The following MROH9 variants were observed in gnomAD, a reference collection of about 807,000 sequenced individuals.
MROH9 encodes maestro heat-like repeat-containing protein family member 9.
In MROH9, 92 loss-of-function variants were observed where a neutral mutation model predicts 98.2. That is an observed-to-expected ratio of 0.94 (90% CI 0.79 to 1.11). The LOEUF is 1.11. MROH9 is among the 50% of genes most tolerant of loss of function. The pLI, the probability that MROH9 is intolerant of heterozygous loss-of-function variation, is 0.00. For missense variants in MROH9, 1,057 were observed against 1,014.8 expected (o/e 1.04, Z -0.57); for synonymous variants, 397 against 368.9 (o/e 1.08, Z -0.87).
intron 20 of MROH9, among the ~76,000 whole-genome samples, chr1:171,026,881 G>C (rs1652730292): frequency 6.6e-6 from 1 of 152,058 alleles, no homozygotes; most frequent in Non-Finnish European, 1.5e-5. Flanking sequence ...AATCTGGGAT[G>C]GGATAATGGG....
At chr1:170,983,359 T>C in intron 8 of MROH9, 63 bp from the exon 9 acceptor site, 1 of 1,156,172 alleles carries the variant, frequency 8.6e-7, no homozygotes, top group Non-Finnish European at 1.3e-6. Flanking sequence ...TTGGAAATAG[T>C]AATGTCATAG....
intron 10 of MROH9, among the ~76,000 whole-genome samples, chr1:170,988,325 T>A (rs1195253923): frequency 1.3e-5 from 2 of 152,022 alleles, no homozygotes; most frequent in Admixed American, 1.3e-4. Context: ...GGGGAGGAGA[T>A]GCTTTATATA....
rs11385110 is a variant in MROH9, at chr1:171,063,252, A to ATTT, written c.2345-830_2345-828dup. Among the ~76,000 whole-genome samples the ATTT allele has an allele frequency of 6.9e-3, 866 of 124,926 alleles. 32 individuals are homozygous for ATTT. Among genetic ancestry groups the ATTT allele is most frequent in the East Asian group, 0.026 (113 of 4,298 alleles). The allele number at this position is 124,926 out of a possible 152,430, so 82.0% of individuals were successfully genotyped here. On this transcript the variant is annotated intron_variant, in intron 21 of 21. Transcript: ENST00000367759. Reference sequence around the variant, plus strand: ...CATTTTGGTATATGTATTATCCCGGATTTTTTTTTTTTTTTTTTTGAGACG... The same window carrying ATTT: ...CATTTTGGTATATGTATTATCCCGGATTTTTTTTTTTTTTTTTTTTTTGAGACG...
intron 2 of MROH9, 128 bp downstream of exon 2, chr1:170,945,709 T>C: frequency 1.3e-6 from 1 of 748,204 alleles, no homozygotes; most frequent in East Asian, 3.0e-5. Context: ...ATGTACCTTT[T>C]TTCCCTAATG....
At chr1:170,965,726 G>C (rs1175265956) in intron 7 of MROH9, among the ~76,000 whole-genome samples, 1 of 152,006 alleles carries the variant, frequency 6.6e-6, no homozygotes. Flanking sequence ...CCTGTCCTTA[G>C]CCATGTCAGC....
intron 9 of MROH9, among the ~76,000 whole-genome samples, chr1:170,984,215 C>G (rs892499781): frequency 1.3e-5 from 2 of 152,124 alleles, no homozygotes; most frequent in Admixed American, 6.6e-5. Flanking sequence ...TGAGGAAACC[C>G]GTTAGGCTAG....
rs1208802300 is a variant in MROH9 at position 171,016,612 on chromosome 1, A to AC, written c.1908+277dup. 2.0e-5 allele frequency among the ~76,000 whole-genome samples: 3 copies of AC among 152,070 alleles called. No individual in the cohort carries two copies. The East Asian group carries it at 5.8e-4, about 29-fold the overall frequency. On this transcript the variant is annotated intron_variant, in intron 17 of 21. Transcript: ENST00000367759. The stretch of plus-strand genomic sequence containing the variant: ...ATATACTGATTAACCCTATATCTGG[A>AC]CTGCCTGGGTTCAAATCCCTCTTCC...
At position 171,045,302 on chromosome 1, in the gene MROH9, C is replaced by T. The variant is rs185436467; in HGVS notation, c.2282-16830C>T. Reference sequence around the variant, plus strand: ...GGCATGCGCCACCGTGCTCGGCCTGCCCTGATCTTTATTATTTCTTTTCTT... The same window carrying T: ...GGCATGCGCCACCGTGCTCGGCCTGTCCTGATCTTTATTATTTCTTTTCTT... On this transcript the variant is annotated intron_variant, in intron 20 of 21. Coordinates refer to ENST00000367759, the MANE Select transcript of MROH9 (RefSeq NM_001163629.2). 1.8e-3 allele frequency among the ~76,000 whole-genome samples: 272 copies of T among 151,952 alleles called. 4 individuals are homozygous for T. The highest frequency in any genetic ancestry group is 0.014 in the Middle Eastern group (4 of 294).
intron 20 of MROH9, among the ~76,000 whole-genome samples, chr1:171,058,346 CAAA>C (rs34725160): frequency 4.5e-5 from 3 of 67,114 alleles, no homozygotes; most frequent in Admixed American, 1.7e-4. Flanking sequence ...AGAGAGGATG[CAAA>C]AAAAAAAAAA....
chr1:171,020,137 A>T (rs190054922), intron 17 of MROH9, among the ~76,000 whole-genome samples: 72 of 152,000 alleles, frequency 4.7e-4, no homozygotes, highest in African/African-American at 1.7e-3. Flanking sequence ...GCCTACTGAT[A>T]AAAAAAAGCT....
At chr1:170,944,006 G>A (rs930842459) in intron 1 of MROH9, among the ~76,000 whole-genome samples, 3 of 151,752 alleles carry the variant, frequency 2.0e-5, no homozygotes, top group South Asian at 2.1e-4. Context: ...AAATAATATC[G>A]CTAATAACAA....
chr1:170,995,514 A>G lies in MROH9; in HGVS notation c.1320A>G (p.Ile440Met), dbSNP rs748767345. ...QVFYNSELKP[I>M]LKDRALYAQD... is the part of the protein sequence containing the mutation. ...TCTACAACAGTGAGCTGAAACCGAT[A>G]CTCAAGGACAGGGCTTTGTGAGTTA... is the stretch of plus-strand genomic sequence containing the variant. Residue 440 changes from isoleucine to methionine, a missense_variant, in exon 13 of 22, where the codon ATA becomes ATG. Physicochemically the swap from Ile to Met is conservative, Grantham distance 10 (BLOSUM62 1). Transcript: ENST00000367759. The G allele has an allele frequency of 6.2e-7, 1 of 1,613,072 alleles. No homozygotes were observed. Among genetic ancestry groups the G allele is most frequent in the South Asian group, 1.1e-5 (1 of 91,036 alleles).
At position 170,945,601 on chromosome 1, in the gene MROH9, T is replaced by C. The variant is rs770775310; in HGVS notation, c.25+20T>C. 14 of 1,608,114 alleles carry C rather than the reference T, an allele frequency of 8.7e-6. No homozygotes were observed. Among genetic ancestry groups the C allele is most frequent in the Middle Eastern group, 1.7e-4 (1 of 6,048 alleles). On this transcript the variant is annotated intron_variant, in intron 2 of 21. Transcript: ENST00000367759. ...AAACAAGTAAGGCTTTAGGACACAA[T>C]AGAGATGGGAGAAGGTATTTTTGTG... is the stretch of plus-strand genomic sequence containing the variant.
At chr1:170,998,444 G>C (rs73038212) in intron 15 of MROH9, 170 bp downstream of exon 15, 2 of 1,567,100 alleles carry the variant, frequency 1.3e-6, no homozygotes, top group Non-Finnish European at 1.7e-6. Flanking sequence ...AGTTAGATCT[G>C]GGTTATGGAA....
intron 8 of MROH9, among the ~76,000 whole-genome samples, chr1:170,972,470 A>G (rs1313084770): frequency 6.6e-6 from 1 of 152,156 alleles, no homozygotes; most frequent in African/African-American, 2.4e-5. Context: ...ATAACAGAGA[A>G]CACATTTACT....
chr1:171,014,082 CT>C, intron 15 of MROH9, 34 bp from the exon 16 acceptor site: 1 of 1,531,478 alleles, frequency 6.5e-7, no homozygotes, highest in Non-Finnish European at 8.8e-7. Flanking sequence ...GTGGCCTCTA[CT>C]TTGCTTATAA....
chr1:171,064,004 G>T, intron 21 of MROH9, 95 bp from the exon 22 acceptor site: 11 of 1,219,042 alleles, frequency 9.0e-6, no homozygotes, highest in Non-Finnish European at 1.2e-5. Flanking sequence ...AGAGAAGGGG[G>T]CACTCTGTGA....
At chr1:171,041,177 C>T (rs1653284810) in intron 20 of MROH9, among the ~76,000 whole-genome samples, 1 of 151,724 alleles carries the variant, frequency 6.6e-6, no homozygotes, top group African/African-American at 2.4e-5. Flanking sequence ...TTATTCCACT[C>T]TGTATGTCCA....
intron 11 of MROH9, among the ~76,000 whole-genome samples, chr1:170,991,567 T>C (rs58049435): frequency 0.07 from 10,703 of 152,084 alleles, 616 homozygotes; most frequent in East Asian, 0.31. Flanking sequence ...GTAAGACTAA[T>C]CTTGAAGAGT....
Sources: gnomAD v4.1 joint callset for allele counts (sites outside exome capture counted in the v4.1 genomes callset) on GRCh38, gnomAD v4.1.1 for gene constraint, MANE v1.5 for transcripts, NCBI Gene and HGNC (gene_info 2026-07-23, HGNC 2026-07-21) for gene names.